The following INPP4B variants were observed in gnomAD, a reference collection of about 807,000 sequenced individuals.
INPP4B encodes the protein inositol polyphosphate-4-phosphatase type II B, also known as inositol polyphosphate 4-phosphatase type II.
A neutral mutation model predicts 122.5 loss-of-function variants in INPP4B; 55 were observed. The ratio of observed to expected loss-of-function variants is 0.45; its 90% CI spans 0.36 to 0.56. The LOEUF is 0.56. Ranked by LOEUF, INPP4B falls within the 20% of genes least tolerant of loss-of-function variation. The pLI, the probability that INPP4B is intolerant of heterozygous loss-of-function variation, is 0.00. For synonymous variants in INPP4B, 403 were observed against 388.7 expected (o/e 1.04, Z -0.43); for missense variants, 1,000 against 1,097.7 (o/e 0.91, Z 1.26).
intron 7 of INPP4B, among the ~76,000 whole-genome samples, chr4:142,332,748 T>C (rs1028045151): frequency 2.6e-5 from 4 of 151,290 alleles, no homozygotes; most frequent in Non-Finnish European, 5.9e-5. Context: ...CTCACGCCTG[T>C]AATCCCAGCA....
intron 2 of INPP4B, among the ~76,000 whole-genome samples, chr4:142,552,984 C>A (rs1728336610): frequency 6.6e-6 from 1 of 152,168 alleles, no homozygotes; most frequent in East Asian, 1.9e-4. Flanking sequence ...ATGCAAGACA[C>A]AATAGACATT....
At chr4:142,782,523 G>T (rs1310610750) in intron 1 of INPP4B, among the ~76,000 whole-genome samples, 1 of 151,574 alleles carries the variant, frequency 6.6e-6, no homozygotes, top group Admixed American at 6.6e-5. Flanking sequence ...GGGTCAAATG[G>T]TATTTCTAGT....
At chr4:142,249,989 TAA>T (rs1731131196) in intron 11 of INPP4B, among the ~76,000 whole-genome samples, 1 of 152,246 alleles carries the variant, frequency 6.6e-6, no homozygotes, top group Non-Finnish European at 1.5e-5. Context: ...TAATTAGAGA[TAA>T]GTCTGCTTTT....
intron 3 of INPP4B, among the ~76,000 whole-genome samples, chr4:142,457,463 G>T (rs28823374): frequency 0.15 from 23,318 of 151,774 alleles, 2,059 homozygotes; most frequent in East Asian, 0.36. Context: ...TAAAAAACAA[G>T]GGACAAATAA....
At chr4:142,400,083 G>A (rs1801096591) in intron 7 of INPP4B, among the ~76,000 whole-genome samples, 1 of 152,184 alleles carries the variant, frequency 6.6e-6, no homozygotes, top group Non-Finnish European at 1.5e-5. Flanking sequence ...GGTAACATCT[G>A]CATCAAGAGC....
chr4:142,396,064 C>T (rs908675884), intron 7 of INPP4B, among the ~76,000 whole-genome samples: 3 of 151,906 alleles, frequency 2.0e-5, no homozygotes, highest in African/African-American at 7.3e-5. Flanking sequence ...GTTCTTACTA[C>T]AGTATTTTTA....
chr4:142,696,672 G>A (rs927078459), intron 2 of INPP4B, among the ~76,000 whole-genome samples: 2 of 152,068 alleles, frequency 1.3e-5, no homozygotes, highest in African/African-American at 4.8e-5. Flanking sequence ...TACTTATGTT[G>A]TTCTCCAAAC....
At chr4:142,132,961 G>C (rs558079450) in intron 18 of INPP4B, among the ~76,000 whole-genome samples, 1 of 152,120 alleles carries the variant, frequency 6.6e-6, no homozygotes, top group African/African-American at 2.4e-5. Flanking sequence ...ACTCTAGTAA[G>C]GCTACTCTCG....
In INPP4B at chr4:142,412,305, AAT is replaced by A. The variant is rs1804772331; in HGVS notation, c.137-6983_137-6982del. 2.0e-5 allele frequency among the ~76,000 whole-genome samples: 3 copies of A among 152,260 alleles called. No homozygotes were observed. The East Asian group carries it at 5.8e-4, about 29-fold the overall frequency. Reference sequence around the variant, plus strand: ...GCCCCTCTAATTACTTTATTAGTATAATATGCTTTTCTATTTTTAATCTCCTT... The same window carrying A: ...GCCCCTCTAATTACTTTATTAGTATAATGCTTTTCTATTTTTAATCTCCTT... On this transcript the variant is annotated intron_variant, in intron 5 of 25. Coordinates refer to ENST00000262992, the MANE Select transcript of INPP4B (RefSeq NM_001101669.3).
intron 2 of INPP4B, among the ~76,000 whole-genome samples, chr4:142,468,575 G>T (rs1025260487): frequency 6.6e-6 from 1 of 151,922 alleles, no homozygotes; most frequent in Non-Finnish European, 1.5e-5. Flanking sequence ...TCTCCGGGGA[G>T]AGTAAGTGAG....
intron 2 of INPP4B, among the ~76,000 whole-genome samples, chr4:142,534,472 G>A (rs561473445): frequency 2.6e-5 from 4 of 152,074 alleles, no homozygotes; most frequent in African/African-American, 4.8e-5. Context: ...ACAGAAACAC[G>A]GGCCATCTTG....
chr4:142,182,627 A>C (rs989600938), intron 15 of INPP4B, among the ~76,000 whole-genome samples: 2 of 151,874 alleles, frequency 1.3e-5, no homozygotes, highest in African/African-American at 2.4e-5. Context: ...CTTATTTCTC[A>C]AAATGTCTCT....
intron 2 of INPP4B, among the ~76,000 whole-genome samples, chr4:142,492,307 C>T (rs567874888): frequency 6.6e-6 from 1 of 152,136 alleles, no homozygotes; most frequent in African/African-American, 2.4e-5. Context: ...GAGAGGGGCA[C>T]TGCTCTAAAG....
At chr4:142,152,045 T>C (rs1181406321) in intron 17 of INPP4B, among the ~76,000 whole-genome samples, 2 of 150,148 alleles carry the variant, frequency 1.3e-5, no homozygotes, top group Non-Finnish European at 3.0e-5. Flanking sequence ...TCTCTCTGCC[T>C]AACATGCTTT....
chr4:142,605,128 C>A (rs1038348920), intron 2 of INPP4B, among the ~76,000 whole-genome samples: 1 of 151,890 alleles, frequency 6.6e-6, no homozygotes, highest in African/African-American at 2.4e-5. Context: ...GTCAACCTAC[C>A]AAGACTGACT....
intron 11 of INPP4B, among the ~76,000 whole-genome samples, chr4:142,258,905 A>G (rs1263398814): frequency 6.6e-6 from 1 of 152,098 alleles, no homozygotes; most frequent in Non-Finnish European, 1.5e-5. Context: ...ACATGCACAC[A>G]TATATTTATT....
intron 2 of INPP4B, among the ~76,000 whole-genome samples, chr4:142,696,018 G>A (rs1760969880): frequency 6.6e-6 from 1 of 152,072 alleles, no homozygotes; most frequent in African/African-American, 2.4e-5. Context: ...AGCCAGCTGG[G>A]ACTAGGAGAA....
At chr4:142,524,285 T>C (rs567156545) in intron 2 of INPP4B, among the ~76,000 whole-genome samples, 7 of 152,202 alleles carry the variant, frequency 4.6e-5, no homozygotes, top group East Asian at 3.9e-4. Flanking sequence ...AGTGTAAAAG[T>C]GTTCCTATTT....
chr4:142,708,037 T>A (rs1044871550), intron 2 of INPP4B, among the ~76,000 whole-genome samples: 1 of 152,218 alleles, frequency 6.6e-6, no homozygotes, highest in Non-Finnish European at 1.5e-5. Flanking sequence ...ACTTTTGTTA[T>A]GCGTTAGCAA....
Sources: gnomAD v4.1 joint callset for allele counts (sites outside exome capture counted in the v4.1 genomes callset) on GRCh38, gnomAD v4.1.1 for gene constraint, MANE v1.5 for transcripts, NCBI Gene and HGNC (gene_info 2026-07-23, HGNC 2026-07-21) for gene names.